Variants in ATXN3 observed in about 807,000 individuals in gnomAD.
ATXN3 encodes ataxin 3.
Under a neutral mutation model 58.2 loss-of-function variants are expected in ATXN3, and 28 were observed. The ratio of observed to expected loss-of-function variants is 0.48; its 90% confidence interval spans 0.36 to 0.66. The LOEUF (loss-of-function observed/expected upper bound fraction) is 0.66, where lower values mean the gene tolerates loss of function less well. Among genes scored for constraint, ATXN3 ranks in the 30% least tolerant of loss-of-function variants. The pLI is 0.00. For missense variants in ATXN3, 321 were observed against 422.1 expected, an observed-to-expected ratio of 0.76 and a Z score of 2.10; for synonymous variants, 113 against 138.5, an observed-to-expected ratio of 0.82 and a Z score of 1.29.
At chr14:92,104,846 G>A (rs188845799) in intron 1 of ATXN3, among the ~76,000 whole-genome samples, 4 of 151,546 alleles carry the variant, frequency 2.6e-5, no homozygotes, top group East Asian at 2.0e-4. Context: ...TCGCTTGAAC[G>A]GGGAGGCGGA....
chr14:92,077,044 T>C (rs937929056), intron 9 of ATXN3, among the ~76,000 whole-genome samples: 1 of 151,874 alleles, frequency 6.6e-6, no homozygotes, highest in Non-Finnish European at 1.5e-5. Context: ...TTAAAAATGT[T>C]CATATCCTTT....
intron 10 of ATXN3, among the ~76,000 whole-genome samples, chr14:92,066,276 C>T (rs8012666): frequency 0.45 from 67,843 of 151,914 alleles, 16,361 homozygotes; most frequent in African/African-American, 0.64. Flanking sequence ...CCTCCTTCAT[C>T]TGTAACATAA....
At chr14:92,105,439 T>C (rs938237551) in intron 1 of ATXN3, among the ~76,000 whole-genome samples, 1 of 152,204 alleles carries the variant, frequency 6.6e-6, no homozygotes, top group Non-Finnish European at 1.5e-5. Flanking sequence ...AAAAAAAATT[T>C]ATGCTACAGA....
At chr14:92,096,899 T>C in intron 1 of ATXN3, 61 bp from the exon 2 acceptor site, 1 of 1,391,524 alleles carries the variant, frequency 7.2e-7, no homozygotes, top group Non-Finnish European at 1.0e-6. Flanking sequence ...TATAGTATCT[T>C]CCCCTAAATA....
chr14:92,078,757 G>A (rs966133832), intron 9 of ATXN3, among the ~76,000 whole-genome samples: 7 of 152,154 alleles, frequency 4.6e-5, no homozygotes, highest in Admixed American at 6.5e-5. Flanking sequence ...ATTTAACTAT[G>A]TTAAAAATAA....
chr14:92,056,760 T>C (rs896850813), downstream of ATXN3, among the ~76,000 whole-genome samples: 37 of 152,136 alleles, frequency 2.4e-4, no homozygotes, highest in Non-Finnish European at 1.3e-4. Flanking sequence ...AAGGGTTTTC[T>C]TATAAAAGGG....
chr14:92,091,556 G>A (rs1039397806), intron 5 of ATXN3, among the ~76,000 whole-genome samples: 5 of 151,864 alleles, frequency 3.3e-5, no homozygotes, highest in African/African-American at 1.2e-4. Flanking sequence ...TAGGGTTTTT[G>A]TTTTTGAATT....
chr14:92,066,601 G>GT (rs66941473), intron 10 of ATXN3, among the ~76,000 whole-genome samples: 1,778 of 106,768 alleles, frequency 0.017, 38 homozygotes, highest in South Asian at 0.023. Flanking sequence ...TTTTTTTCTT[G>GT]TTTTTTTTTT....
intron 1 of ATXN3, among the ~76,000 whole-genome samples, chr14:92,099,131 A>G (rs1192597825): frequency 1.3e-5 from 2 of 152,164 alleles, no homozygotes; most frequent in African/African-American, 4.8e-5. Flanking sequence ...TTCTCCTGCT[A>G]ACCTTGGCCC....
At position 92,106,495 on chromosome 14, in the gene ATXN3, G is replaced by A. The variant is rs1406251930; in HGVS notation, c.24+34C>T. The stretch of plus-strand genomic sequence containing the variant: ...CCGCGCTCCACGCCCGCCACCGCGC[G>A]GCAGACAGCTCCCCACCGAACGCGG... On this transcript the variant is annotated intron_variant, in intron 1 of 10. Coordinates refer to ENST00000644486, the MANE Select transcript of ATXN3 (RefSeq NM_004993.6). 31 of 1,612,742 alleles carry A rather than the reference G, an allele frequency of 1.9e-5. No individual in the cohort carries two copies. In the East Asian group the frequency reaches 6.5e-4, roughly 34 times the overall value.
chr14:92,096,180 G>GGGCCC, intron 2 of ATXN3, 43 bp from the exon 3 acceptor site: 1 of 1,278,226 alleles, frequency 7.8e-7, no homozygotes, highest in Non-Finnish European at 1.1e-6. Flanking sequence ...TGGGGGTGGG[G>GGGCCC]AAAGAAGGAT....
intron 1 of ATXN3, among the ~76,000 whole-genome samples, chr14:92,104,209 C>T (rs1462200289): frequency 3.3e-5 from 5 of 152,238 alleles, no homozygotes; most frequent in South Asian, 2.1e-4. Flanking sequence ...GGCACGGTCT[C>T]GGCTCACTGC....
downstream of ATXN3, among the ~76,000 whole-genome samples, chr14:92,057,679 AACCCTC>A (rs1301127715): frequency 3.9e-5 from 6 of 152,160 alleles, no homozygotes; most frequent in African/African-American, 1.4e-4. Context: ...ATGAATAGTC[AACCCTC>A]ATAAAATTTG....
chr14:92,071,518 A>G, intron 9 of ATXN3: 1 of 334,340 alleles, frequency 3.0e-6, no homozygotes, highest in South Asian at 2.4e-5. Context: ...AATCACTTGA[A>G]CCGGGGAGGT....
chr14:92,054,787 G>A (rs992631230), downstream of ATXN3, among the ~76,000 whole-genome samples: 1 of 152,130 alleles, frequency 6.6e-6, no homozygotes, highest in African/African-American at 2.4e-5. Context: ...CTGTGATGCT[G>A]TATCATCCCC....
At chr14:92,067,094 G>C (rs1240011638) in intron 10 of ATXN3, among the ~76,000 whole-genome samples, 1 of 151,660 alleles carries the variant, frequency 6.6e-6, no homozygotes, top group African/African-American at 2.4e-5. Flanking sequence ...TTCAGCACTA[G>C]AAAAAATGTT....
chr14:92,097,495 G>A (rs1374488115), intron 1 of ATXN3, among the ~76,000 whole-genome samples: 1 of 151,274 alleles, frequency 6.6e-6, no homozygotes, highest in Non-Finnish European at 1.5e-5. Context: ...AAAAGTGCTG[G>A]GATTACAGGT....
At chr14:92,104,004 G>A (rs1026905883) in intron 1 of ATXN3, among the ~76,000 whole-genome samples, 6 of 152,166 alleles carry the variant, frequency 3.9e-5, no homozygotes, top group Admixed American at 2.0e-4. Context: ...TTATAGGTGC[G>A]TACTCTTGAG....
chr14:92,074,263 G>C (rs987005225), intron 9 of ATXN3, among the ~76,000 whole-genome samples: 4 of 151,792 alleles, frequency 2.6e-5, no homozygotes, highest in Non-Finnish European at 5.9e-5. Flanking sequence ...GGAGGCGGAG[G>C]CTGCAGTGAG....
Sources: gnomAD v4.1 joint callset for allele counts (sites outside exome capture counted in the v4.1 genomes callset) on GRCh38, gnomAD v4.1.1 for gene constraint, MANE v1.5 for transcripts, NCBI Gene and HGNC (gene_info 2026-07-23, HGNC 2026-07-21) for gene names.